Variants in HECW2 observed in about 807,000 individuals in gnomAD.
HECW2 encodes E3 ubiquitin-protein ligase HECW2.
HECW2 carries 61 observed loss-of-function variants against 175.2 expected under a neutral mutation model. The ratio of observed to expected loss-of-function variants is 0.35; its 90% CI spans 0.28 to 0.43. HECW2 has a LOEUF of 0.43. Ranked by LOEUF, HECW2 falls within the 20% of genes least tolerant of loss-of-function variation. HECW2 has a pLI of 1.00. For missense variants in HECW2, 1,524 were observed against 2,000.5 expected, an observed-to-expected ratio of 0.76 and a Z score of 4.54; for synonymous variants, 671 against 731.0, an observed-to-expected ratio of 0.92 and a Z score of 1.32.
chr2:196,462,777 A>G (rs1388209478), intron 1 of HECW2, among the ~76,000 whole-genome samples: 5 of 152,160 alleles, frequency 3.3e-5, no homozygotes, highest in Non-Finnish European at 5.9e-5. Flanking sequence ...GGTCAAAACA[A>G]CTGTACTTTT....
Position 196,292,603 on chromosome 2 carries a change from G to A in HECW2, c.2962C>T (p.Pro988Ser). 6.2e-7 allele frequency: 1 copy of A among 1,614,008 alleles called. No homozygotes were observed. Among genetic ancestry groups the A allele is most frequent in the African/African-American group, 1.3e-5 (1 of 75,052 alleles). ...NMFANKQLEL[P>S]RGWEMKHDHQ... Reference sequence around the variant, plus strand: ...TCATGTTTCATTTCCCATCCCCGCGGCAGCTCTAGCTGTTTGTTCGCGAAC... The same window carrying A: ...TCATGTTTCATTTCCCATCCCCGCGACAGCTCTAGCTGTTTGTTCGCGAAC... The change falls in exon 14 of 29, where the codon CCG becomes TCG. Residue 988 changes from proline to serine, a missense_variant. Physicochemically the swap from Pro to Ser is moderately conservative, Grantham distance 74 (BLOSUM62 -1). Coordinates refer to ENST00000644978, the MANE Select transcript of HECW2 (RefSeq NM_001348768.2).
At position 196,274,038 on chromosome 2, in the gene HECW2, TG is replaced by T; in HGVS notation, c.3220del (p.Gln1074ArgfsTer66). 6.2e-7 allele frequency: 1 copy of T among 1,612,774 alleles called. No individual in the cohort carries two copies. The highest frequency in any genetic ancestry group is 8.5e-7 in the Non-Finnish European group (1 of 1,178,708). ...TFNTVSRPQY[Q>X]DMVPVAYNDK... is the part of the protein sequence containing the mutation. ...TGACATACCCACTGGAACCATGTCCTGGTACTGTGGCCTACTGACTGTATTG... is the reference window on the plus strand; with the variant it reads ...TGACATACCCACTGGAACCATGTCCTGTACTGTGGCCTACTGACTGTATTG... On this transcript the variant is annotated frameshift_variant, in exon 16 of 29. Coordinates refer to ENST00000644978, the MANE Select transcript of HECW2 (RefSeq NM_001348768.2). LOFTEE classifies it high-confidence loss of function.
At chr2:196,236,569 C>G (rs972441797) in intron 21 of HECW2, among the ~76,000 whole-genome samples, 1 of 152,216 alleles carries the variant, frequency 6.6e-6, no homozygotes, top group Non-Finnish European at 1.5e-5. Context: ...TGATCCCATA[C>G]AGGAAACCAC....
intron 1 of HECW2, among the ~76,000 whole-genome samples, chr2:196,519,871 T>C (rs1264453424): frequency 6.6e-6 from 1 of 152,250 alleles, no homozygotes; most frequent in South Asian, 2.1e-4. Flanking sequence ...GGTAATCAAC[T>C]GACTAACTCA....
intron 2 of HECW2, among the ~76,000 whole-genome samples, chr2:196,376,146 A>G (rs1450608326): frequency 6.6e-6 from 1 of 152,190 alleles, no homozygotes; most frequent in Non-Finnish European, 1.5e-5. Context: ...ATTACCCTCA[A>G]ACTTTGCCCC....
intron 13 of HECW2, among the ~76,000 whole-genome samples, chr2:196,296,691 T>A (rs907172072): frequency 6.6e-5 from 10 of 151,254 alleles, no homozygotes; most frequent in African/African-American, 2.4e-4. Flanking sequence ...TAGGGGGAGG[T>A]GGAAGGAAGA....
chr2:196,218,452 G>T (rs1687553325), intron 26 of HECW2, among the ~76,000 whole-genome samples: 2 of 152,122 alleles, frequency 1.3e-5, no homozygotes, highest in African/African-American at 4.8e-5. Flanking sequence ...TGATTAGTCA[G>T]ATTTAGTGAA....
At chr2:196,475,406 GGAGGGGAGGGGAGAGAGAC>G (rs554256940) in intron 1 of HECW2, among the ~76,000 whole-genome samples, 1,668 of 150,592 alleles carry the variant, frequency 0.011, 11 homozygotes, top group Non-Finnish European at 0.017. Flanking sequence ...GAGAGTGAAG[GGAGGGGAGGGGAGAGAGAC>G]GAGGGGAGGG....
chr2:196,484,893 C>A (rs1249467622), intron 1 of HECW2, among the ~76,000 whole-genome samples: 3 of 152,134 alleles, frequency 2.0e-5, no homozygotes, highest in African/African-American at 4.8e-5. Flanking sequence ...AGATTCAATG[C>A]GGTAAGCAAC....
chr2:196,347,884 C>T (rs1693017182), intron 2 of HECW2, among the ~76,000 whole-genome samples: 1 of 152,236 alleles, frequency 6.6e-6, no homozygotes, highest in Non-Finnish European at 1.5e-5. Flanking sequence ...TTGACAGATA[C>T]AAATACTTCC....
At chr2:196,485,548 G>C (rs1395128229) in intron 1 of HECW2, among the ~76,000 whole-genome samples, 1 of 152,162 alleles carries the variant, frequency 6.6e-6, no homozygotes, top group Non-Finnish European at 1.5e-5. Flanking sequence ...TGAGACAGCA[G>C]AGACGGCTCT....
intron 1 of HECW2, among the ~76,000 whole-genome samples, chr2:196,491,584 A>G (rs1687200365): frequency 6.6e-6 from 1 of 151,374 alleles, no homozygotes; most frequent in Non-Finnish European, 1.5e-5. Context: ...ACACATAGAT[A>G]TGTGTGTATA....
At chr2:196,458,049 T>C (rs1305193359) in intron 1 of HECW2, among the ~76,000 whole-genome samples, 1 of 152,012 alleles carries the variant, frequency 6.6e-6, no homozygotes, top group Non-Finnish European at 1.5e-5. Flanking sequence ...GTGGGAGAAC[T>C]GCTTGAGCCC....
chr2:196,313,776 A>G (rs1488076736), intron 10 of HECW2, among the ~76,000 whole-genome samples: 2 of 152,170 alleles, frequency 1.3e-5, no homozygotes, highest in African/African-American at 4.8e-5. Context: ...TCAAAGCCAG[A>G]CACAGTGGCT....
rs1345084206 is a variant in HECW2 at position 196,198,423 on chromosome 2, A to G, written c.*2854T>C. On this transcript the variant is annotated 3_prime_UTR_variant, in exon 29 of 29. Coordinates refer to ENST00000644978, the MANE Select transcript of HECW2 (RefSeq NM_001348768.2). ...TGTTCTCTTCTCTCTTCATTCCTTG[A>G]TTGTAGAACTTACCAAATTTTATTA... The G allele has an allele frequency of 6.6e-6, 1 of 152,176 alleles. No homozygotes were observed. Among genetic ancestry groups the G allele is most frequent in the Admixed American group, 6.5e-5 (1 of 15,282 alleles). The allele number at this position is 152,176 out of a possible 1,614,324, so 9.4% of individuals were successfully genotyped here.
chr2:196,376,224 T>A (rs1027721395), intron 2 of HECW2, among the ~76,000 whole-genome samples: 1 of 152,174 alleles, frequency 6.6e-6, no homozygotes, highest in Non-Finnish European at 1.5e-5. Flanking sequence ...AGCAACTATT[T>A]AAACAACAAT....
At chr2:196,322,191 A>G (rs1167531961) in intron 7 of HECW2, among the ~76,000 whole-genome samples, 1 of 152,218 alleles carries the variant, frequency 6.6e-6, no homozygotes, top group Non-Finnish European at 1.5e-5. Flanking sequence ...AGTTTTTATA[A>G]AAAGCTCCAA....
At chr2:196,293,158 C>A (rs1690667675) in intron 13 of HECW2, among the ~76,000 whole-genome samples, 1 of 152,144 alleles carries the variant, frequency 6.6e-6, no homozygotes, top group Admixed American at 6.5e-5. Context: ...TCCCCCAGTC[C>A]TACTCTGAAA....
intron 2 of HECW2, among the ~76,000 whole-genome samples, chr2:196,416,639 G>T (rs1362137632): frequency 6.6e-6 from 1 of 152,192 alleles, no homozygotes; most frequent in African/African-American, 2.4e-5. Context: ...TGCCAAAGGG[G>T]ACAATTGAAG....
Sources: gnomAD v4.1 joint callset for allele counts (sites outside exome capture counted in the v4.1 genomes callset) on GRCh38, gnomAD v4.1.1 for gene constraint, MANE v1.5 for transcripts, NCBI Gene and HGNC (gene_info 2026-07-23, HGNC 2026-07-21) for gene names.